The following SCRN1 variants were observed in gnomAD, a reference collection of about 807,000 sequenced individuals.
SCRN1 encodes secernin 1, also known as secernin-1.
Under a neutral mutation model 43.3 loss-of-function variants are expected in SCRN1, and 19 were observed. The observed-to-expected ratio is 0.44, with a 90% CI of 0.31 to 0.64. The LOEUF (loss-of-function observed/expected upper bound fraction) is 0.64. Among genes scored for constraint, SCRN1 ranks in the 30% least tolerant of loss-of-function variants. The pLI is 0.09. For synonymous variants in SCRN1, 183 were observed against 188.9 expected (o/e 0.97, Z 0.26); for missense variants, 447 against 524.1 (o/e 0.85, Z 1.44).
chr7:29,968,847 G>C, intron 2 of SCRN1, 62 bp downstream of exon 2: 3 of 1,591,666 alleles, frequency 1.9e-6, no homozygotes, highest in Non-Finnish European at 2.6e-6. Flanking sequence ...AGTTAGGGTT[G>C]TGCTAGCGGC....
chr7:29,946,326 C>A (rs190242699), intron 3 of SCRN1, among the ~76,000 whole-genome samples: 3 of 152,290 alleles, frequency 2.0e-5, no homozygotes, highest in Non-Finnish European at 4.4e-5. Context: ...CTGTGAGTGC[C>A]TCTCAGAACC....
intron 2 of SCRN1, among the ~76,000 whole-genome samples, chr7:29,962,611 C>T (rs1420502823): frequency 1.3e-5 from 2 of 152,060 alleles, no homozygotes; most frequent in African/African-American, 4.8e-5. Flanking sequence ...TTGCTTGAAC[C>T]CAGGAGGCAG....
rs1786737522 is a variant in SCRN1, at chr7:29,921,021, T to G, written c.*2936A>C. 6.6e-6 allele frequency: 1 copy of G among 152,658 alleles called. No individual in the cohort carries two copies. Among genetic ancestry groups the G allele is most frequent in the South Asian group, 2.1e-4 (1 of 4,832 alleles). The allele number at this position is 152,658 out of a possible 1,614,324, so 9.5% of individuals were successfully genotyped here. A position where few individuals can be genotyped will look rare whatever the true frequency, so the allele number is the denominator to read the frequency against. ...TATTTCTGCTTTGCTAATTTACTCC[T>G]GCCAGAGCTTCTGTCCTTGAATATG... On this transcript the variant is annotated 3_prime_UTR_variant, in exon 8 of 8. Coordinates refer to ENST00000242059, the MANE Select transcript of SCRN1 (RefSeq NM_014766.5).
intron 2 of SCRN1, among the ~76,000 whole-genome samples, chr7:29,962,135 A>T (rs1281048962): frequency 1.3e-5 from 2 of 150,176 alleles, no homozygotes; most frequent in Admixed American, 6.7e-5. Context: ...CCTAGTATAT[A>T]ATTAGTTTCA....
chr7:29,929,358 T>G (rs7795652), intron 6 of SCRN1, among the ~76,000 whole-genome samples: 5,177 of 152,278 alleles, frequency 0.034, 106 homozygotes, highest in African/African-American at 0.067. Flanking sequence ...CACGCCCTCC[T>G]GCGGAGCCTA....
In SCRN1 at chr7:29,944,059, T is replaced by C. The variant is rs773336108; in HGVS notation, c.462A>G (p.Gln154=). ...FEDANSCHSF[Q]SAYLIVDRDE... is the part of the protein sequence containing the mutation. The stretch of plus-strand genomic sequence containing the variant: ...CACGATCCACAATCAGATATGCACT[T>C]TGGAAGCTGTGGCAGGAGTTTGCAT... The change falls in exon 4 of 8, where the codon CAA becomes CAG. Residue 154 remains glutamine, a synonymous_variant. Coordinates refer to ENST00000242059, the MANE Select transcript of SCRN1 (RefSeq NM_014766.5). 1 of 1,614,208 alleles carries C rather than the reference T, an allele frequency of 6.2e-7. No homozygotes were observed. The highest frequency in any genetic ancestry group is 8.5e-7 in the Non-Finnish European group (1 of 1,180,030).
At chr7:29,930,809 A>G (rs1264643473) in intron 6 of SCRN1, among the ~76,000 whole-genome samples, 1 of 152,352 alleles carries the variant, frequency 6.6e-6, no homozygotes, top group East Asian at 1.9e-4. Context: ...AAAAGCACAA[A>G]GTGCTTCCAA....
intron 2 of SCRN1, among the ~76,000 whole-genome samples, chr7:29,961,058 CTTTTT>C (rs200892857): frequency 1.5e-5 from 2 of 131,614 alleles, no homozygotes; most frequent in African/African-American, 2.8e-5. Context: ...GATCTTATTT[CTTTTT>C]TTTTTTTTTT....
chr7:29,944,085 C>A lies in SCRN1; in HGVS notation c.436G>T (p.Asp146Tyr). 1 of 1,614,232 alleles carries A rather than the reference C, an allele frequency of 6.2e-7. No homozygotes were observed. Among genetic ancestry groups the A allele is most frequent in the Non-Finnish European group, 8.5e-7 (1 of 1,180,040 alleles). Reference sequence around the variant, plus strand: ...TGGAAGCTGTGGCAGGAGTTTGCATCTTCAAAGTAATTCCCACCTTGTCCA... The same window carrying A: ...TGGAAGCTGTGGCAGGAGTTTGCATATTCAAAGTAATTCCCACCTTGTCCA... The part of the protein sequence containing the change: ...EHGQGGNYFE[D>Y]ANSCHSFQSA... Residue 146 changes from aspartate (D) to tyrosine (Y), a missense_variant, in exon 4 of 8, where the codon GAT (aspartate) becomes TAT (tyrosine). Physicochemically the swap from Asp to Tyr is radical, Grantham distance 160. Transcript: ENST00000242059.
intron 3 of SCRN1, chr7:29,947,234 T>A (rs1304501571): frequency 6.4e-7 from 1 of 1,550,648 alleles, no homozygotes; most frequent in Non-Finnish European, 8.7e-7. Flanking sequence ...ATTCCTAGTT[T>A]TATAGGAAAA....
rs531406641 is a variant in SCRN1 at position 29,926,475 on chromosome 7, G to A, written c.1063C>T (p.Arg355Cys). 8 of 1,613,488 alleles carry A rather than the reference G, an allele frequency of 5.0e-6. No individual in the cohort carries two copies. Among genetic ancestry groups the A allele is most frequent in the African/African-American group, 2.7e-5 (2 of 75,012 alleles). ...HELYKAHEWA[R>C]AIIESDQEQG... ...ACCTGGTCACTTTCGATGATGGCAC[G>A]TGCCCACTCGTGGGCTTTGTACAGC... is the stretch of plus-strand genomic sequence containing the variant. Residue 355 changes from arginine (R) to cysteine (C), a missense_variant, in exon 7 of 8, where the codon CGT (arginine) becomes TGT (cysteine). By Grantham distance (180) the Arg-to-Cys change is radical. Coordinates refer to ENST00000242059, the MANE Select transcript of SCRN1 (RefSeq NM_014766.5).
At position 29,950,049 on chromosome 7, in the gene SCRN1, C is replaced by T. The variant is rs563107861; in HGVS notation, c.341+5130G>A. On this transcript the variant is annotated intron_variant, in intron 3 of 7. Coordinates refer to ENST00000242059, the MANE Select transcript of SCRN1 (RefSeq NM_014766.5). The surrounding 1 kb of genome is among the most constrained non-coding windows in gnomAD (Gnocchi z 4.5). ...TGCGAGGCTGGTGGGAGCCCCACCC[C>T]CTACCAAGTTGGCAGGGTGGGAGCC... 6.6e-6 allele frequency among the ~76,000 whole-genome samples: 1 copy of T among 152,250 alleles called. No individual in the cohort carries two copies. The highest frequency in any genetic ancestry group is 1.5e-5 in the Non-Finnish European group (1 of 68,002).
At position 29,986,221 on chromosome 7, in the gene SCRN1, G is replaced by A. The variant is rs376921535; in HGVS notation, c.-2+3421C>T. ...ACTGCACTCTAGCCTGGGTGACGGA[G>A]GGAGGCCCTGTCTCGAGAGAGAGCA... On this transcript the variant is annotated intron_variant, in intron 1 of 7. Coordinates refer to ENST00000242059, the MANE Select transcript of SCRN1 (RefSeq NM_014766.5). Among the ~76,000 whole-genome samples the A allele has an allele frequency of 8.5e-5, 13 of 152,350 alleles. No homozygotes were observed. In the East Asian group the frequency reaches 1.7e-3, roughly 20 times the overall value.
intron 2 of SCRN1, among the ~76,000 whole-genome samples, chr7:29,958,308 G>A (rs1166031075): frequency 6.6e-6 from 1 of 152,214 alleles, no homozygotes; most frequent in Non-Finnish European, 1.5e-5. Context: ...AGATAGACTG[G>A]CTACTTAAAA....
chr7:29,966,282 C>T (rs1350876420), intron 2 of SCRN1, among the ~76,000 whole-genome samples: 1 of 151,982 alleles, frequency 6.6e-6, no homozygotes, highest in Admixed American at 6.5e-5. Flanking sequence ...AGAGCAATCA[C>T]AAGCCCTCAA....
intron 2 of SCRN1, among the ~76,000 whole-genome samples, chr7:29,959,016 C>A (rs1562815286): frequency 6.6e-6 from 1 of 152,216 alleles, no homozygotes; most frequent in African/African-American, 2.4e-5. Context: ...TTCCACAGAG[C>A]AAGCCCTTCA....
chr7:29,987,231 C>T (rs1214015369), intron 1 of SCRN1, among the ~76,000 whole-genome samples: 4 of 152,206 alleles, frequency 2.6e-5, no homozygotes, highest in South Asian at 4.1e-4. Flanking sequence ...CACCTCTTCA[C>T]ACTAACCCAT....
intron 1 of SCRN1, among the ~76,000 whole-genome samples, chr7:29,980,527 G>A (rs918226822): frequency 2.6e-5 from 4 of 152,014 alleles, no homozygotes; most frequent in Non-Finnish European, 5.9e-5. Context: ...TGTAAACTGG[G>A]ATTTAAAAAA....
intron 1 of SCRN1, among the ~76,000 whole-genome samples, chr7:29,987,336 G>A (rs1296665430): frequency 6.6e-6 from 1 of 152,150 alleles, no homozygotes. Context: ...TGTCTTCACT[G>A]CTTCAAAGTT....
Sources: allele counts gnomAD v4.1 joint callset (sites outside exome capture counted in the v4.1 genomes callset), GRCh38; gene constraint gnomAD v4.1.1; non-coding constraint Gnocchi (gnomAD v3.1); transcripts MANE v1.5; gene names NCBI Gene and HGNC (gene_info 2026-07-23, HGNC 2026-07-21).